VAV2: variants seen among roughly 807,000 people sequenced by gnomAD.
VAV2 encodes the protein guanine nucleotide exchange factor VAV2.
VAV2 carries 67 observed loss-of-function variants against 132.5 expected under a neutral mutation model. The observed-to-expected ratio is 0.51, with a 90% CI of 0.42 to 0.62. VAV2 has a LOEUF of 0.62. Among genes scored for constraint, VAV2 ranks in the 20% least tolerant of loss-of-function variants. VAV2 has a pLI of 0.00. For missense variants in VAV2, 938 were observed against 1,153.6 expected (o/e 0.81, Z 2.71); for synonymous variants, 492 against 443.5 (o/e 1.11, Z -1.37).
At chr9:133,868,435 T>C (rs1588290039) in intron 2 of VAV2, among the ~76,000 whole-genome samples, 1 of 152,166 alleles carries the variant, frequency 6.6e-6, no homozygotes, top group African/African-American at 2.4e-5. Context: ...TGAGGCTCGG[T>C]TGGCTCATCT....
Position 133,810,215 on chromosome 9 carries a change from T to C in VAV2, c.553-10A>G, listed in dbSNP as rs757279197. The C allele has an allele frequency of 6.2e-7, 1 of 1,613,204 alleles. No individual in the cohort carries two copies. The highest frequency in any genetic ancestry group is 1.7e-5 in the Admixed American group (1 of 59,996). ...CCTGCATGTATCTAATCTGCAAGCG[T>C]GGAGAAAGAACCAGAAACAGCGCCG... On this transcript the variant is annotated splice_polypyrimidine_tract_variant and intron_variant, in intron 5 of 29. Coordinates refer to ENST00000371850, the MANE Select transcript of VAV2 (RefSeq NM_001134398.2).
chr9:133,850,526 T>C (rs752666141), intron 3 of VAV2, among the ~76,000 whole-genome samples: 2 of 152,220 alleles, frequency 1.3e-5, no homozygotes, highest in Non-Finnish European at 2.9e-5. Context: ...GGCTATGGAC[T>C]CCTTGGGCTG....
At chr9:133,868,574 C>T (rs551436769) in intron 2 of VAV2, among the ~76,000 whole-genome samples, 1 of 152,362 alleles carries the variant, frequency 6.6e-6, no homozygotes, top group East Asian at 1.9e-4. Flanking sequence ...CACGGAGGGA[C>T]TCATGGCTGC....
chr9:133,837,125 C>T (rs1358201064), intron 3 of VAV2, among the ~76,000 whole-genome samples: 1 of 152,190 alleles, frequency 6.6e-6, no homozygotes. Flanking sequence ...CCTTCTCCTC[C>T]TGGAAAATGG....
intron 9 of VAV2, among the ~76,000 whole-genome samples, chr9:133,800,582 G>C (rs1467388648): frequency 1.3e-5 from 2 of 152,192 alleles, no homozygotes; most frequent in Admixed American, 1.3e-4. Flanking sequence ...GATGGCCCCA[G>C]TCCCTCCCTG....
intron 1 of VAV2, among the ~76,000 whole-genome samples, chr9:133,972,219 T>G (rs1180657242): frequency 6.6e-6 from 1 of 152,156 alleles, no homozygotes; most frequent in African/African-American, 2.4e-5. Flanking sequence ...TGGCCTGGAT[T>G]TATTGACGTG....
rs751271227 is a variant in VAV2 at position 133,992,149 on chromosome 9, A to C, written c.130T>G (p.Cys44Gly). Reference protein sequence around the residue: ...AQALRDGVLLCQLLHNLSPGS... With the variant: ...AQALRDGVLLGQLLHNLSPGS... ...GGGGAGAGGTTGTGCAGCAGCTGGC[A>C]CAGAAGGACCCCGTCGCGCAGCGCC... The change falls in exon 1 of 30, where the codon TGC becomes GGC. Residue 44 changes from cysteine (C) to glycine (G), a missense_variant. Cys to Gly is a radical substitution (Grantham distance 159). Transcript: ENST00000371850. The surrounding 1 kb of genome is among the most constrained non-coding windows in gnomAD (Gnocchi z 5.5). 1.3e-6 allele frequency: 2 copies of C among 1,594,640 alleles called. No individual in the cohort carries two copies. Among genetic ancestry groups the C allele is most frequent in the Non-Finnish European group, 1.7e-6 (2 of 1,171,090 alleles).
intron 20 of VAV2, among the ~76,000 whole-genome samples, chr9:133,780,272 G>A (rs773690487): frequency 1.8e-4 from 28 of 152,174 alleles, no homozygotes; most frequent in Non-Finnish European, 3.2e-4. Context: ...TGCCAAATAC[G>A]ACTAAGTTTC....
intron 1 of VAV2, among the ~76,000 whole-genome samples, chr9:133,953,777 G>A (rs1841647874): frequency 6.6e-6 from 1 of 151,954 alleles, no homozygotes; most frequent in Non-Finnish European, 1.5e-5. Flanking sequence ...GGGAAACCCA[G>A]CTCCCATGAC....
intron 4 of VAV2, among the ~76,000 whole-genome samples, chr9:133,820,485 G>A (rs923889967): frequency 3.9e-5 from 6 of 151,946 alleles, no homozygotes; most frequent in South Asian, 2.1e-4. Context: ...CACCACGCCC[G>A]GCTAATTTTT....
chr9:133,897,281 C>T (rs189482518), intron 2 of VAV2, among the ~76,000 whole-genome samples: 1 of 152,250 alleles, frequency 6.6e-6, no homozygotes, highest in Non-Finnish European at 1.5e-5. Flanking sequence ...GCCCAAGTGG[C>T]AGAGGCGTCC....
intron 2 of VAV2, among the ~76,000 whole-genome samples, chr9:133,867,146 C>G (rs1330577878): frequency 3.9e-5 from 6 of 152,142 alleles, no homozygotes. Flanking sequence ...TGCTGAGGGT[C>G]CCGGCGCTCC....
chr9:133,833,946 C>T lies in VAV2; in HGVS notation c.449+326G>A, dbSNP rs2131780290. Among the ~76,000 whole-genome samples the T allele has an allele frequency of 6.6e-6, 1 of 152,338 alleles. No individual in the cohort carries two copies. Among genetic ancestry groups the T allele is most frequent in the Admixed American group, 6.5e-5 (1 of 15,306 alleles). ...GGCCAGCCCCCTCTCTGCCCCACAG[C>T]TTCGCAGAGACAAGCCCTCATGGAG... is the stretch of plus-strand genomic sequence containing the variant. On this transcript the variant is annotated intron_variant, in intron 4 of 29. Coordinates refer to ENST00000371850, the MANE Select transcript of VAV2 (RefSeq NM_001134398.2). The surrounding 1 kb of genome is among the most constrained non-coding windows in gnomAD (Gnocchi z 5.6).
rs76884032 is a variant in VAV2, at chr9:133,902,742, G to A, written c.321+36361C>T. Reference sequence around the variant, plus strand: ...ATCAAGTTAAAATGTTGTCACTGGGGTGGGACCTAATCCAATATGACCCGT... The same window carrying A: ...ATCAAGTTAAAATGTTGTCACTGGGATGGGACCTAATCCAATATGACCCGT... On this transcript the variant is annotated intron_variant, in intron 2 of 29. Transcript: ENST00000371850. Among the ~76,000 whole-genome samples the A allele has an allele frequency of 8.3e-3, 1,269 of 152,292 alleles. 25 individuals carry two copies. Among genetic ancestry groups the A allele is most frequent in the African/African-American group, 0.029 (1,208 of 41,550 alleles).
Position 133,826,216 on chromosome 9 carries a change from T to C in VAV2, c.449+8056A>G, listed in dbSNP as rs537372691. On this transcript the variant is annotated intron_variant, in intron 4 of 29. Coordinates refer to ENST00000371850, the MANE Select transcript of VAV2 (RefSeq NM_001134398.2). This position sits in a 1 kb window ranked among gnomAD's most constrained non-coding sequence, Gnocchi z 4.2. ...CTGAGGCCCTGTGTGGCATTTAACT[T>C]GCCCAGAGAAGCAGCCCCTTGAAAG... 1.6e-4 allele frequency among the ~76,000 whole-genome samples: 25 copies of C among 152,286 alleles called. No individual in the cohort carries two copies. The highest frequency in any genetic ancestry group is 3.4e-4 in the African/African-American group (14 of 41,558).
chr9:133,777,377 G>C lies in VAV2; in HGVS notation c.1965+12C>G, dbSNP rs1383463202. 1 of 1,613,370 alleles carries C rather than the reference G, an allele frequency of 6.2e-7. No individual in the cohort carries two copies. The highest frequency in any genetic ancestry group is 8.5e-7 in the Non-Finnish European group (1 of 1,179,864). ...CACCGTGCTCCAGAAGCTTCTGTGG[G>C]AAAGGACTCACCCTTCCATCCACAG... On this transcript the variant is annotated intron_variant, in intron 23 of 29. Coordinates refer to ENST00000371850, the MANE Select transcript of VAV2 (RefSeq NM_001134398.2).
At chr9:133,901,821 AC>A (rs1248802875) in intron 2 of VAV2, among the ~76,000 whole-genome samples, 2 of 152,136 alleles carry the variant, frequency 1.3e-5, no homozygotes, top group Non-Finnish European at 2.9e-5. Flanking sequence ...GCCACATTCT[AC>A]CTTTTCCCAG....
At chr9:133,970,796 A>C (rs2506686) in intron 1 of VAV2, among the ~76,000 whole-genome samples, 105,221 of 152,128 alleles carry the variant, frequency 0.69, 36,805 homozygotes, top group East Asian at 0.92. Flanking sequence ...GCAGCCCTGA[A>C]CTAGCAGGCC....
At chr9:133,853,890 G>T (rs902765711) in intron 3 of VAV2, among the ~76,000 whole-genome samples, 1 of 152,122 alleles carries the variant, frequency 6.6e-6, no homozygotes, top group Non-Finnish European at 1.5e-5. Flanking sequence ...TGCTGCTCCC[G>T]CTGGCATGAT....
Sources: allele counts gnomAD v4.1 joint callset (sites outside exome capture counted in the v4.1 genomes callset), GRCh38; gene constraint gnomAD v4.1.1; non-coding constraint Gnocchi (gnomAD v3.1); transcripts MANE v1.5; gene names NCBI Gene and HGNC (gene_info 2026-07-23, HGNC 2026-07-21).